Variants in DST observed in about 807,000 individuals in gnomAD.
DST encodes bullous pemphigoid antigen.
In DST, 253 loss-of-function variants were observed where a neutral mutation model predicts 875.2. The observed-to-expected ratio is 0.29, with a 90% CI of 0.26 to 0.32. The LOEUF is 0.32. Among genes scored for constraint, DST ranks in the 10% least tolerant of loss-of-function variants. The pLI is 1.00. For missense variants in DST, 8,287 were observed against 9,111.6 expected, an observed-to-expected ratio of 0.91 and a Z score of 3.68; for synonymous variants, 3,124 against 3,197.1, an observed-to-expected ratio of 0.98 and a Z score of 0.77.
chr6:56,524,060 T>C (rs1032214855), intron 69 of DST, among the ~76,000 whole-genome samples: 5 of 152,290 alleles, frequency 3.3e-5, no homozygotes, highest in South Asian at 4.1e-4. Flanking sequence ...TTATATTTCA[T>C]GGATGTAGTT....
chr6:56,874,842 TC>T (rs1044797532), intron 3 of DST, among the ~76,000 whole-genome samples: 4 of 152,238 alleles, frequency 2.6e-5, no homozygotes, highest in Non-Finnish European at 5.9e-5. Context: ...GACTACTGGA[TC>T]CCTTTCTCAG....
chr6:56,627,938 T>A, intron 33 of DST, 61 bp downstream of exon 33: 1 of 1,461,516 alleles, frequency 6.8e-7, no homozygotes, highest in Non-Finnish European at 9.6e-7. Flanking sequence ...GAAAGGAAGA[T>A]GAGGAGCATG....
chr6:56,703,999 A>G (rs1210997250), intron 6 of DST, among the ~76,000 whole-genome samples: 5 of 152,182 alleles, frequency 3.3e-5, no homozygotes, highest in Non-Finnish European at 5.9e-5. Context: ...CTGCTAAGCA[A>G]AAAAACCCAA....
rs535354802 is a variant in DST at position 56,582,716 on chromosome 6, G to A, written c.12904-3779C>T. On this transcript the variant is annotated intron_variant, in intron 49 of 103. Coordinates refer to ENST00000680361, the MANE Select transcript of DST (RefSeq NM_001374736.1). ...CCCATTAACTCGTCATTTAGCATTAGGTATATCTCCTAATGCTATCTCTCC... is the reference window on the plus strand; with the variant it reads ...CCCATTAACTCGTCATTTAGCATTAAGTATATCTCCTAATGCTATCTCTCC... Among the ~76,000 whole-genome samples the A allele has an allele frequency of 4.0e-5, 6 of 151,858 alleles. No homozygotes were observed. The South Asian group carries it at 1.3e-3, about 32-fold the overall frequency.
At chr6:56,517,962 C>T (rs1328269406) in intron 69 of DST, among the ~76,000 whole-genome samples, 2 of 152,070 alleles carry the variant, frequency 1.3e-5, no homozygotes, top group Non-Finnish European at 2.9e-5. Flanking sequence ...CAGCCAGGTA[C>T]CATCTTTTAA....
At chr6:56,516,717 A>G (rs2096602265) in intron 71 of DST, among the ~76,000 whole-genome samples, 1 of 152,142 alleles carries the variant, frequency 6.6e-6, no homozygotes, top group African/African-American at 2.4e-5. Context: ...AAAACTACAC[A>G]AGCTGAATGC....
Position 56,463,749 on chromosome 6 carries a change from T to C in DST, c.22775A>G (p.Asn7592Ser). ...TQPTIAKGRT[N>S]MELREKFILA... is the part of the protein sequence containing the mutation. Reference sequence around the variant, plus strand: ...AATGAACTTCTCACGCAGTTCCATGTTTGTCCTTCCTTTGGCTGGGTTATA... The same window carrying C: ...AATGAACTTCTCACGCAGTTCCATGCTTGTCCTTCCTTTGGCTGGGTTATA... The change falls in exon 101 of 104, where the codon AAC (asparagine) becomes AGC (serine). Residue 7592 changes from asparagine (N) to serine (S), a missense_variant. Asn to Ser is a conservative substitution (Grantham distance 46, BLOSUM62 1). This residue lies in a region of DST where 64 missense variants were observed against 86.2 expected (regional missense o/e 0.74). Transcript: ENST00000680361. 1 of 1,614,026 alleles carries C rather than the reference T, an allele frequency of 6.2e-7. No individual in the cohort carries two copies. The highest frequency in any genetic ancestry group is 8.5e-7 in the Non-Finnish European group (1 of 1,179,898).
Position 56,900,607 on chromosome 6 carries a change from G to C in DST, c.231C>G (p.Ser77Arg). Residue 77 changes from serine (S) to arginine (R), a missense_variant, in exon 3 of 104, where the codon AGC (serine) becomes AGG (arginine). Around this residue, in one of 10 missense-constraint regions of DST, gnomAD observed 1,160 missense variants for 1,424.3 expected, o/e 0.81. Transcript: ENST00000680361. ...CAACTCGTCTTCTAAGATGCCGAGG[G>C]CTTGCTCTGAATCCCTGTGGCAGAA... ...HHFRSEGFRASPRHLRRRVAA... is the reference protein window; with the variant it reads ...HHFRSEGFRARPRHLRRRVAA... The C allele has an allele frequency of 1.5e-6, 2 of 1,367,534 alleles. No homozygotes were observed. Among genetic ancestry groups the C allele is most frequent in the Non-Finnish European group, 2.0e-6 (2 of 1,021,822 alleles). 84.7% of individuals were successfully genotyped at this position (1,367,534 alleles called of 1,614,324 possible). A position where few individuals can be genotyped will look rare whatever the true frequency, so the allele number is the denominator to read the frequency against.
chr6:56,917,012 A>G, intron 2 of DST, among the ~76,000 whole-genome samples: 1 of 101,702 alleles, frequency 9.8e-6, no homozygotes, highest in Non-Finnish European at 2.3e-5. Context: ...AAAAAAAAAA[A>G]AAAAAGACAG....
Position 56,458,954 on chromosome 6 carries a change from CAAACTTAA to C in DST, c.*43_*50del. The C allele has an allele frequency of 6.8e-7, 1 of 1,480,722 alleles. No individual in the cohort carries two copies. The highest frequency in any genetic ancestry group is 9.0e-7 in the Non-Finnish European group (1 of 1,112,602). The allele number at this position is 1,480,722 out of a possible 1,614,324, so 91.7% of individuals were successfully genotyped here. A position where few individuals can be genotyped will look rare whatever the true frequency, so the allele number is the denominator to read the frequency against. On this transcript the variant is annotated 3_prime_UTR_variant, in exon 104 of 104. Coordinates refer to ENST00000680361, the MANE Select transcript of DST (RefSeq NM_001374736.1). The stretch of plus-strand genomic sequence containing the variant: ...TTTCTACACCATATTTTACATCGTT[CAAACTTAA>C]ATAATAAATGCTCAAGGAAGGGCCT...
At chr6:56,551,019 A>G (rs2097312876) in intron 61 of DST, among the ~76,000 whole-genome samples, 1 of 152,236 alleles carries the variant, frequency 6.6e-6, no homozygotes, top group African/African-American at 2.4e-5. Context: ...CTTCACCTTC[A>G]AGAATCAAGA....
At chr6:56,616,791 A>T (rs1320608886) in intron 36 of DST, 1 of 1,614,156 alleles carries the variant, frequency 6.2e-7, no homozygotes, top group South Asian at 1.1e-5. Flanking sequence ...TGAAACACTG[A>T]CAATGTCTTA....
intron 60 of DST, among the ~76,000 whole-genome samples, chr6:56,554,042 C>A (rs925870045): frequency 9.4e-6 from 1 of 105,914 alleles, no homozygotes; most frequent in Non-Finnish European, 2.0e-5. Context: ...TAATCCATCT[C>A]TTATTAAATA....
chr6:56,553,178 A>G lies in DST; in HGVS notation c.15614T>C (p.Ile5205Thr). ...CTTCTGCAGAGACTTTAACTTGGCA[A>G]TAGAATTCTCTCCTTCAGCAGGATC... The part of the protein sequence containing the change: ...CLDPAEGENS[I>T]AKLKSLQKEM... The change falls in exon 61 of 104, where the codon ATT becomes ACT. Residue 5205 changes from isoleucine (I) to threonine (T), a missense_variant. Ile to Thr is a moderately conservative substitution (Grantham distance 89). Transcript: ENST00000680361. The G allele has an allele frequency of 1.9e-6, 3 of 1,613,994 alleles. No homozygotes were observed. The highest frequency in any genetic ancestry group is 2.5e-6 in the Non-Finnish European group (3 of 1,179,892).
chr6:56,609,202 G>A lies in DST; in HGVS notation c.5426C>T (p.Ser1809Leu), dbSNP rs753139506. 6.2e-7 allele frequency: 1 copy of A among 1,613,784 alleles called. No individual in the cohort carries two copies. Among genetic ancestry groups the A allele is most frequent in the South Asian group, 1.1e-5 (1 of 91,072 alleles). Residue 1809 changes from serine (S) to leucine (L), a missense_variant, in exon 40 of 104, where the codon TCA (serine) becomes TTA (leucine). This residue lies in a region of DST where 3,138 missense variants were observed against 3,116.6 expected (regional missense o/e 1.01). Coordinates refer to ENST00000680361, the MANE Select transcript of DST (RefSeq NM_001374736.1). ...GTCAAAGCACTTTCTTAATTCTGGT[G>A]AAATTAGACCAGAAATCATTAGCTG... The part of the protein sequence containing the change: ...ETQLMISGLI[S>L]PELRKCFDLK...
chr6:56,676,965 A>G (rs1317128972), intron 9 of DST, among the ~76,000 whole-genome samples: 1 of 152,188 alleles, frequency 6.6e-6, no homozygotes, highest in Non-Finnish European at 1.5e-5. Context: ...CTTACACAAC[A>G]TAGTGACTAT....
intron 72 of DST, among the ~76,000 whole-genome samples, chr6:56,513,450 G>C (rs543064710): frequency 6.6e-6 from 1 of 151,678 alleles, no homozygotes; most frequent in Non-Finnish European, 1.5e-5. Flanking sequence ...GGCTGGTCTC[G>C]AATTCCTGAC....
intron 9 of DST, among the ~76,000 whole-genome samples, chr6:56,687,055 C>A (rs141585263): frequency 2.6e-5 from 4 of 152,166 alleles, no homozygotes; most frequent in Non-Finnish European, 5.9e-5. Context: ...GGGAGCTATA[C>A]CTATCCATGG....
intron 3 of DST, 194 bp from the exon 4 acceptor site, chr6:56,851,798 T>A (rs1013309083): frequency 1.9e-6 from 3 of 1,551,720 alleles, no homozygotes; most frequent in Non-Finnish European, 2.6e-6. Context: ...CATCTTTTCT[T>A]GGCCAAGTCT....
Sources: allele counts gnomAD v4.1 joint callset (sites outside exome capture counted in the v4.1 genomes callset), GRCh38; gene constraint gnomAD v4.1.1; regional missense constraint gnomAD v4.1.1; transcripts MANE v1.5; gene names NCBI Gene and HGNC (gene_info 2026-07-23, HGNC 2026-07-21).